Variants in ECHDC1 observed in about 807,000 individuals in gnomAD.
ECHDC1 encodes ethylmalonyl-CoA decarboxylase 1, also known as ethylmalonyl-CoA decarboxylase.
In ECHDC1, 29 loss-of-function variants were observed where a neutral mutation model predicts 29.7. The observed-to-expected ratio is 0.98, with a 90% CI of 0.73 to 1.33. The LOEUF is 1.33. ECHDC1 is among the 40% of genes most tolerant of loss of function. ECHDC1 has a pLI of 0.00. For missense variants in ECHDC1, 328 were observed against 350.0 expected (o/e 0.94, Z 0.50); for synonymous variants, 126 against 123.1 (o/e 1.02, Z -0.15).
chr6:127,326,410 T>C, intron 3 of ECHDC1: 1 of 331,596 alleles, frequency 3.0e-6, no homozygotes, highest in African/African-American at 2.2e-5. Context: ...CTTTTCTTCA[T>C]AAACTACCCA....
chr6:127,291,082 C>T (rs1780130988), intron 5 of ECHDC1, among the ~76,000 whole-genome samples: 1 of 151,916 alleles, frequency 6.6e-6, no homozygotes, highest in African/African-American at 2.4e-5. Flanking sequence ...GGGACGAGTA[C>T]AGTGTAACTG....
chr6:127,303,911 A>G (rs1781248864), intron 5 of ECHDC1, among the ~76,000 whole-genome samples: 1 of 152,022 alleles, frequency 6.6e-6, no homozygotes, highest in Admixed American at 6.6e-5. Flanking sequence ...AAAGTTTTTG[A>G]CTCTAGTGTC....
chr6:127,303,994 GC>G (rs1781258420), intron 5 of ECHDC1, among the ~76,000 whole-genome samples: 3 of 152,172 alleles, frequency 2.0e-5, no homozygotes, highest in Admixed American at 1.3e-4. Flanking sequence ...AAGAACACAG[GC>G]CTGGATGGCT....
intron 5 of ECHDC1, among the ~76,000 whole-genome samples, chr6:127,295,627 A>G (rs1780537048): frequency 6.6e-6 from 1 of 152,274 alleles, no homozygotes; most frequent in South Asian, 2.1e-4. Context: ...ATTGTAAGAA[A>G]GGATGCTCTC....
At chr6:127,304,518 C>T (rs1038868792) in intron 5 of ECHDC1, among the ~76,000 whole-genome samples, 3 of 152,036 alleles carry the variant, frequency 2.0e-5, no homozygotes, top group Non-Finnish European at 2.9e-5. Context: ...GTACCAAGGC[C>T]GCCTAGGAAA....
At chr6:127,331,151 CTTTTTT>C in intron 1 of ECHDC1, 121 bp from the exon 2 acceptor site, 3 of 561,556 alleles carry the variant, frequency 5.3e-6, no homozygotes, top group Middle Eastern at 4.9e-4. Flanking sequence ...TTCCCCATTT[CTTTTTT>C]TTTTTTTTTT....
At chr6:127,318,391 A>T (rs1782567980) in intron 3 of ECHDC1, among the ~76,000 whole-genome samples, 1 of 152,168 alleles carries the variant, frequency 6.6e-6, no homozygotes. Context: ...TTTTATTTTT[A>T]TGCCTTAATT....
intron 3 of ECHDC1, among the ~76,000 whole-genome samples, chr6:127,320,726 T>C (rs558748728): frequency 6.6e-6 from 1 of 152,278 alleles, no homozygotes; most frequent in Admixed American, 6.5e-5. Context: ...GTCTTTCCAA[T>C]ACATAACTTT....
intron 5 of ECHDC1, among the ~76,000 whole-genome samples, chr6:127,305,695 T>G (rs1004970011): frequency 6.6e-5 from 10 of 152,222 alleles, no homozygotes; most frequent in African/African-American, 2.2e-4. Flanking sequence ...TTTTGCATGT[T>G]TGCTTGTTTA....
chr6:127,314,455 C>G (rs2114615957), intron 5 of ECHDC1, among the ~76,000 whole-genome samples: 1 of 152,178 alleles, frequency 6.6e-6, no homozygotes. Flanking sequence ...GTCTCTCTTT[C>G]TGCATTCTAT....
chr6:127,329,421 C>A (rs187203965), intron 2 of ECHDC1, among the ~76,000 whole-genome samples: 1 of 152,116 alleles, frequency 6.6e-6, no homozygotes, highest in Non-Finnish European at 1.5e-5. Context: ...AGAAATAAAT[C>A]ATCACTATTG....
chr6:127,340,274 AG>A (rs1357424477), intron 1 of ECHDC1, among the ~76,000 whole-genome samples: 1 of 152,214 alleles, frequency 6.6e-6, no homozygotes, highest in Non-Finnish European at 1.5e-5. Flanking sequence ...TCAGAATGAG[AG>A]GCAATTTACC....
At chr6:127,322,202 A>T (rs1333297150) in intron 3 of ECHDC1, among the ~76,000 whole-genome samples, 1 of 152,122 alleles carries the variant, frequency 6.6e-6, no homozygotes, top group African/African-American at 2.4e-5. Flanking sequence ...GCTACTTAGG[A>T]GGCTGAAGCA....
Position 127,289,910 on chromosome 6 carries a change from T to G in ECHDC1, c.865A>C (p.Asn289His). 6.2e-7 allele frequency: 1 copy of G among 1,612,196 alleles called. No individual in the cohort carries two copies. Among genetic ancestry groups the G allele is most frequent in the Non-Finnish European group, 8.5e-7 (1 of 1,179,184 alleles). ...LLGTVWGGPA[N>H]LEAIAKKGKF... ...CCTTTCTTAGCAATAGCCTCTAAAT[T>G]TGCAGGCCCACCCCAAACTGTTCCT... Residue 289 changes from asparagine (N) to histidine (H), a missense_variant, in exon 6 of 6, where the codon AAT becomes CAT. Physicochemically the swap from Asn to His is moderately conservative, Grantham distance 68. Coordinates refer to ENST00000454859, the MANE Select transcript of ECHDC1 (RefSeq NM_001002030.2).
chr6:127,307,648 G>GAAA lies in ECHDC1; in HGVS notation c.497+7165_497+7167dup, dbSNP rs71024770. 9.3e-3 allele frequency among the ~76,000 whole-genome samples: 453 copies of GAAA among 48,658 alleles called. 29 individuals are homozygous for GAAA. The highest frequency in any genetic ancestry group is 0.028 in the African/African-American group (426 of 15,098). The allele number at this position is 48,658 out of a possible 152,430, so 31.9% of individuals were successfully genotyped here. A position where few individuals can be genotyped will look rare whatever the true frequency, so the allele number is the denominator to read the frequency against. On this transcript the variant is annotated intron_variant, in intron 5 of 5. Transcript: ENST00000454859. ...GGTGACAGAGTGATACTCTGTCTCAGAAAAAAAAAAAAAAGACAGAAAGAA... is the reference window on the plus strand; with the variant it reads ...GGTGACAGAGTGATACTCTGTCTCAGAAAAAAAAAAAAAAAAAGACAGAAAGAA...
intron 5 of ECHDC1, 131 bp from the exon 6 acceptor site, chr6:127,290,408 G>A: frequency 1.1e-6 from 1 of 870,310 alleles, no homozygotes; most frequent in Non-Finnish European, 1.7e-6. Context: ...AACAATGTTT[G>A]AAAAATATGG....
intron 1 of ECHDC1, chr6:127,341,495 G>A (rs560866151): frequency 6.6e-6 from 1 of 152,290 alleles, no homozygotes; most frequent in African/African-American, 2.4e-5. Context: ...AGAATCACAG[G>A]AAGATGAAAA....
At chr6:127,337,699 T>G (rs1784553724) in intron 1 of ECHDC1, among the ~76,000 whole-genome samples, 2 of 152,102 alleles carry the variant, frequency 1.3e-5, no homozygotes, top group Admixed American at 1.3e-4. Context: ...TTTTACAGAG[T>G]TTGACTGTTC....
chr6:127,322,586 A>G (rs1290882814), intron 3 of ECHDC1, among the ~76,000 whole-genome samples: 2 of 151,742 alleles, frequency 1.3e-5, no homozygotes, highest in Non-Finnish European at 2.9e-5. Flanking sequence ...AACTCTCTCC[A>G]TGTTTTCCTG....
Sources: allele counts gnomAD v4.1 joint callset (sites outside exome capture counted in the v4.1 genomes callset), GRCh38; gene constraint gnomAD v4.1.1; transcripts MANE v1.5; gene names NCBI Gene and HGNC (gene_info 2026-07-23, HGNC 2026-07-21).